FAM117B: variants seen among roughly 807,000 people sequenced by gnomAD.
FAM117B encodes protein FAM117B.
FAM117B carries 22 observed loss-of-function variants against 52.8 expected under a neutral mutation model. That is an observed-to-expected ratio of 0.42 (90% CI 0.30 to 0.59). FAM117B has a LOEUF of 0.59. Among genes scored for constraint, FAM117B ranks in the 20% least tolerant of loss-of-function variants. The pLI is 0.22. For synonymous variants in FAM117B, 309 were observed against 324.1 expected (o/e 0.95, Z 0.50); for missense variants, 678 against 802.6 (o/e 0.84, Z 1.88).
chr2:202,635,211 T>A lies in FAM117B; in HGVS notation c.24T>A (p.Asn8Lys), dbSNP rs1159416171. 1 of 1,298,100 alleles carries A rather than the reference T, an allele frequency of 7.7e-7. No individual in the cohort carries two copies. The highest frequency in any genetic ancestry group is 3.1e-5 in the East Asian group (1 of 32,156). The allele number at this position is 1,298,100 out of a possible 1,614,324, so 80.4% of individuals were successfully genotyped here. MSQRVRR[N>K]GSPTPAGSLG... ...CCATGTCCCAGCGGGTGAGGCGCAA[T>A]GGGTCCCCCACGCCGGCCGGCTCCC... The change falls in exon 1 of 8, where the codon AAT becomes AAA. Residue 8 changes from asparagine to lysine, a missense_variant. By Grantham distance (94) the Asn-to-Lys change is moderately conservative (BLOSUM62 0). Around this residue, in one of 3 missense-constraint regions of FAM117B, gnomAD observed 583 missense variants for 644.8 expected, o/e 0.90. Coordinates refer to ENST00000392238, the MANE Select transcript of FAM117B (RefSeq NM_173511.4).
intron 1 of FAM117B, among the ~76,000 whole-genome samples, chr2:202,645,122 T>C (rs2105753448): frequency 6.6e-6 from 1 of 152,252 alleles, no homozygotes; most frequent in South Asian, 2.1e-4. Flanking sequence ...TTTTTTATTA[T>C]TTTTCAAAAT....
intron 1 of FAM117B, among the ~76,000 whole-genome samples, chr2:202,695,311 G>C (rs1690692988): frequency 6.6e-6 from 1 of 151,900 alleles, no homozygotes; most frequent in Admixed American, 6.6e-5. Context: ...GGTCTGAAAA[G>C]ATTAAGTGGA....
chr2:202,647,338 C>T (rs765468078), intron 1 of FAM117B, among the ~76,000 whole-genome samples: 3 of 151,920 alleles, frequency 2.0e-5, no homozygotes, highest in Non-Finnish European at 4.4e-5. Context: ...TAATGTGTGG[C>T]GATTTCTTGG....
At chr2:202,654,262 CAA>C (rs34014387) in intron 1 of FAM117B, among the ~76,000 whole-genome samples, 3 of 145,858 alleles carry the variant, frequency 2.1e-5, no homozygotes, top group African/African-American at 5.0e-5. Flanking sequence ...AAGTCTACCT[CAA>C]AAAAAAAAAA....
At chr2:202,663,333 T>C (rs916387752) in intron 1 of FAM117B, among the ~76,000 whole-genome samples, 3 of 152,238 alleles carry the variant, frequency 2.0e-5, no homozygotes, top group African/African-American at 7.2e-5. Context: ...TTATGCTATG[T>C]GACTCAGCTG....
rs1559119442 is a variant in FAM117B at position 202,767,868 on chromosome 2, C to CT, written c.*2105dup. On this transcript the variant is annotated 3_prime_UTR_variant, in exon 8 of 8. Transcript: ENST00000392238. ...ACTTTGGTACTTTCTCAATCCAAAA[C>CT]TAATTTATTTGGAACTAGTACGTTA... is the stretch of plus-strand genomic sequence containing the variant. The CT allele has an allele frequency of 6.6e-6, 1 of 152,138 alleles. No individual in the cohort carries two copies. The highest frequency in any genetic ancestry group is 1.5e-5 in the Non-Finnish European group (1 of 68,026). 9.4% of individuals were successfully genotyped at this position (152,138 alleles called of 1,614,324 possible).
rs1559118911 is a variant in FAM117B, at chr2:202,765,981, T to C, written c.*217T>C. The C allele has an allele frequency of 1.8e-6, 1 of 561,228 alleles. No homozygotes were observed. The highest frequency in any genetic ancestry group is 3.2e-6 in the Non-Finnish European group (1 of 316,482). 34.8% of individuals were successfully genotyped at this position (561,228 alleles called of 1,614,324 possible). A position where few individuals can be genotyped will look rare whatever the true frequency, so the allele number is the denominator to read the frequency against. Reference sequence around the variant, plus strand: ...CTTAGCCTGCTTTTTATCAAAGCACTGATTGAAACAAGAAAGGTCTCATTC... The same window carrying C: ...CTTAGCCTGCTTTTTATCAAAGCACCGATTGAAACAAGAAAGGTCTCATTC... On this transcript the variant is annotated 3_prime_UTR_variant, in exon 8 of 8. Coordinates refer to ENST00000392238, the MANE Select transcript of FAM117B (RefSeq NM_173511.4).
chr2:202,747,001 C>G (rs10198335), intron 4 of FAM117B, among the ~76,000 whole-genome samples: 6,050 of 150,130 alleles, frequency 0.04, 369 homozygotes, highest in African/African-American at 0.14. Flanking sequence ...GCCAGTATCC[C>G]TATTGAACAT....
At chr2:202,739,831 G>T in intron 4 of FAM117B, among the ~76,000 whole-genome samples, 1 of 151,848 alleles carries the variant, frequency 6.6e-6, no homozygotes, top group African/African-American at 2.4e-5. Context: ...AATGAAAAAT[G>T]TGTCATGTCC....
intron 1 of FAM117B, among the ~76,000 whole-genome samples, chr2:202,678,517 G>A (rs1690411984): frequency 6.6e-6 from 1 of 152,162 alleles, no homozygotes; most frequent in African/African-American, 2.4e-5. Flanking sequence ...ACATGTTGGG[G>A]CAAGGAAGAA....
At chr2:202,712,419 CTTT>C (rs1186703318) in intron 2 of FAM117B, among the ~76,000 whole-genome samples, 30 of 89,450 alleles carry the variant, frequency 3.4e-4, no homozygotes, top group African/African-American at 1.0e-3. Flanking sequence ...TATCAGCTCT[CTTT>C]TTTTTTTTTT....
chr2:202,696,761 A>G (rs2105777070), intron 2 of FAM117B, among the ~76,000 whole-genome samples: 1 of 152,290 alleles, frequency 6.6e-6, no homozygotes, highest in African/African-American at 2.4e-5. Context: ...TTTAATAGAA[A>G]GGGATCTCAA....
At chr2:202,685,027 G>T (rs1283698287) in intron 1 of FAM117B, among the ~76,000 whole-genome samples, 3 of 151,880 alleles carry the variant, frequency 2.0e-5, no homozygotes, top group Admixed American at 2.0e-4. Context: ...CCATGGCCCA[G>T]GCTGGAATGC....
rs1689671782 is a variant in FAM117B at position 202,635,637 on chromosome 2, G to A, written c.450G>A (p.Val150=). The A allele has an allele frequency of 6.0e-6, 8 of 1,331,920 alleles. No homozygotes were observed. The highest frequency in any genetic ancestry group is 1.5e-5 in the African/African-American group (1 of 65,286). The allele number at this position is 1,331,920 out of a possible 1,614,324, so 82.5% of individuals were successfully genotyped here. A position where few individuals can be genotyped will look rare whatever the true frequency, so the allele number is the denominator to read the frequency against. The part of the protein sequence containing the change: ...PPPPPPLLGT[V]SSPSSSPTHL... ...CGCCGCCGCCGCTGCTGGGCACCGT[G>A]TCGTCGCCCAGCTCGTCGCCCACCC... Residue 150 remains valine (V), a synonymous_variant, in exon 1 of 8, where the codon GTG becomes GTA. Coordinates refer to ENST00000392238, the MANE Select transcript of FAM117B (RefSeq NM_173511.4).
chr2:202,737,355 T>C (rs1483622357), intron 4 of FAM117B, among the ~76,000 whole-genome samples: 3 of 152,212 alleles, frequency 2.0e-5, no homozygotes. Flanking sequence ...AATTTTAACA[T>C]ATATGTAGAT....
intron 1 of FAM117B, among the ~76,000 whole-genome samples, chr2:202,694,483 G>A (rs1031717368): frequency 2.0e-5 from 3 of 151,676 alleles, no homozygotes; most frequent in African/African-American, 4.8e-5. Flanking sequence ...GAGCCACCAC[G>A]CCTGGCCAAA....
intron 4 of FAM117B, among the ~76,000 whole-genome samples, chr2:202,726,687 T>A (rs899850502): frequency 2.6e-5 from 4 of 152,164 alleles, no homozygotes; most frequent in Non-Finnish European, 4.4e-5. Flanking sequence ...AGGCCCTGGC[T>A]GAATAACTTA....
chr2:202,719,805 A>G (rs1287004691), intron 2 of FAM117B, among the ~76,000 whole-genome samples: 3 of 152,172 alleles, frequency 2.0e-5, no homozygotes, highest in African/African-American at 7.2e-5. Flanking sequence ...TTTAATCTAG[A>G]GAAGTTCCTC....
At chr2:202,754,483 ATTTTTT>A (rs780218207) in intron 4 of FAM117B, among the ~76,000 whole-genome samples, 1 of 151,874 alleles carries the variant, frequency 6.6e-6, no homozygotes, top group African/African-American at 2.4e-5. Flanking sequence ...CATGTATCTT[ATTTTTT>A]TTAAGAAGAA....
Sources: allele counts gnomAD v4.1 joint callset (sites outside exome capture counted in the v4.1 genomes callset), GRCh38; gene constraint gnomAD v4.1.1; regional missense constraint gnomAD v4.1.1; transcripts MANE v1.5; gene names NCBI Gene and HGNC (gene_info 2026-07-23, HGNC 2026-07-21).